NAV2: variants seen among roughly 807,000 people sequenced by gnomAD.
NAV2 encodes neuron navigator 2.
In NAV2, 54 loss-of-function variants were observed where a neutral mutation model predicts 223.2. The observed-to-expected ratio is 0.24, with a 90% CI of 0.19 to 0.30. NAV2 has a LOEUF of 0.30. Among genes scored for constraint, NAV2 ranks in the 10% least tolerant of loss-of-function variants. The pLI is 1.00. For missense variants in NAV2, 2,806 were observed against 3,147.5 expected, an observed-to-expected ratio of 0.89 and a Z score of 2.60; for synonymous variants, 1,279 against 1,239.3, an observed-to-expected ratio of 1.03 and a Z score of -0.67.
At chr11:19,546,546 A>T (rs983206052) in intron 1 of NAV2, among the ~76,000 whole-genome samples, 14 of 152,262 alleles carry the variant, frequency 9.2e-5, no homozygotes, top group Non-Finnish European at 1.8e-4. Flanking sequence ...TGAAGAATGG[A>T]GGGCTGTGTA....
In NAV2 at chr11:19,934,049, A is replaced by G. The variant is rs754599502; in HGVS notation, c.1805A>G (p.Lys602Arg). ...CTGAGCTCAGGACTCCCCCAGCAGA[A>G]GCCCCAGCTGGACGGCAGACACTCC... The part of the protein sequence containing the change: ...GKLSSGLPQQ[K>R]PQLDGRHSSS... Residue 602 changes from lysine (K) to arginine (R), a missense_variant, in exon 7 of 38, where the codon AAG (lysine) becomes AGG (arginine). Lys to Arg is a conservative substitution (Grantham distance 26). Coordinates refer to ENST00000349880, the MANE Select transcript of NAV2 (RefSeq NM_145117.5). 1.2e-6 allele frequency: 2 copies of G among 1,602,798 alleles called. No individual in the cohort carries two copies. The highest frequency in any genetic ancestry group is 2.2e-5 in the South Asian group (2 of 89,454).
At chr11:20,003,583 T>C (rs2052767671) in intron 11 of NAV2, among the ~76,000 whole-genome samples, 1 of 152,032 alleles carries the variant, frequency 6.6e-6, no homozygotes, top group East Asian at 1.9e-4. Context: ...CCCACTTCCC[T>C]CCATCTCTAA....
At chr11:19,768,198 G>T (rs1418389223) in intron 1 of NAV2, among the ~76,000 whole-genome samples, 1 of 152,206 alleles carries the variant, frequency 6.6e-6, no homozygotes, top group Non-Finnish European at 1.5e-5. Flanking sequence ...AGAAAGCAGA[G>T]GCAGGGAGGC....
At chr11:19,367,702 G>A (rs1216595901) in intron 1 of NAV2, among the ~76,000 whole-genome samples, 1 of 152,080 alleles carries the variant, frequency 6.6e-6, no homozygotes, top group Non-Finnish European at 1.5e-5. Flanking sequence ...ATCCTTGTGG[G>A]CCCTAAGGAC....
At position 19,999,986 on chromosome 11, in the gene NAV2, G is replaced by A. The variant is rs567558781; in HGVS notation, c.2768+15739G>A. 7.2e-5 allele frequency among the ~76,000 whole-genome samples: 11 copies of A among 152,296 alleles called. No individual in the cohort carries two copies. In the South Asian group the frequency reaches 2.1e-3, roughly 29 times the overall value. ...TCCTCTCAGCCCCAGGTCCAGCACC[G>A]TGGCCACTGGCCTGTGTCACCTCCA... On this transcript the variant is annotated intron_variant, in intron 11 of 37. Coordinates refer to ENST00000349880, the MANE Select transcript of NAV2 (RefSeq NM_145117.5).
intron 1 of NAV2, among the ~76,000 whole-genome samples, chr11:19,783,908 T>C (rs2056925763): frequency 6.6e-6 from 1 of 150,964 alleles, no homozygotes; most frequent in South Asian, 2.1e-4. Flanking sequence ...TGAAACATCT[T>C]CTAGGAACTA....
At chr11:19,688,284 A>T (rs2049077547) in intron 1 of NAV2, among the ~76,000 whole-genome samples, 1 of 152,204 alleles carries the variant, frequency 6.6e-6, no homozygotes, top group Non-Finnish European at 1.5e-5. Flanking sequence ...TAAAGGAGAA[A>T]GTGTAATGCT....
chr11:19,415,896 C>T (rs1054093795), intron 1 of NAV2, among the ~76,000 whole-genome samples: 7 of 152,206 alleles, frequency 4.6e-5, no homozygotes, highest in Admixed American at 1.3e-4. Flanking sequence ...ATTCAACACC[C>T]CTTCATGCTA....
At chr11:19,407,704 C>A (rs1278729021) in intron 1 of NAV2, among the ~76,000 whole-genome samples, 1 of 145,306 alleles carries the variant, frequency 6.9e-6, no homozygotes. Context: ...CCCCCGCATG[C>A]CCCCCTTCCA....
In NAV2 at chr11:20,039,302, A is replaced by C. The variant is rs1253002579; in HGVS notation, c.2907+3205A>C. 2.0e-5 allele frequency among the ~76,000 whole-genome samples: 3 copies of C among 152,302 alleles called. No individual in the cohort carries two copies. In the East Asian group the frequency reaches 5.8e-4, roughly 29 times the overall value. Reference sequence around the variant, plus strand: ...ATGGCACTAATTAGATGCACCTTCAAGGGTGAGTGTGAAAGTAACAGGGAA... The same window carrying C: ...ATGGCACTAATTAGATGCACCTTCACGGGTGAGTGTGAAAGTAACAGGGAA... On this transcript the variant is annotated intron_variant, in intron 12 of 37. Transcript: ENST00000349880.
At chr11:19,347,435 G>T (rs1267898246), upstream of NAV2, among the ~76,000 whole-genome samples, 2 of 152,184 alleles carry the variant, frequency 1.3e-5, no homozygotes, top group Non-Finnish European at 2.9e-5. Flanking sequence ...CCACCCCCGG[G>T]GTGGTTGCCC....
intron 1 of NAV2, chr11:19,759,854 G>A (rs948458290): frequency 1.3e-5 from 2 of 153,586 alleles, no homozygotes; most frequent in African/African-American, 4.8e-5. Context: ...TTGAGGCGCA[G>A]GTGCAGAAGA....
intron 11 of NAV2, among the ~76,000 whole-genome samples, chr11:20,021,809 T>C (rs2054535537): frequency 6.6e-6 from 1 of 152,202 alleles, no homozygotes; most frequent in Non-Finnish European, 1.5e-5. Flanking sequence ...GAGATTACAA[T>C]CTTTTTTTCA....
chr11:19,520,732 C>A (rs1276180153), intron 1 of NAV2, among the ~76,000 whole-genome samples: 2 of 152,188 alleles, frequency 1.3e-5, no homozygotes, highest in Admixed American at 6.5e-5. Flanking sequence ...GAAGGGGGAA[C>A]AGGAAGATGC....
intron 26 of NAV2, among the ~76,000 whole-genome samples, chr11:20,088,280 C>A (rs761591017): frequency 1.3e-5 from 2 of 152,194 alleles, no homozygotes; most frequent in African/African-American, 4.8e-5. Context: ...CAGGTTCAAG[C>A]GATTCTCCTG....
At position 19,897,886 on chromosome 11, in the gene NAV2, T is replaced by TTATATATATATATATATA. The variant is rs10524489; in HGVS notation, c.931+5294_931+5311dup. On this transcript the variant is annotated intron_variant, in intron 6 of 37. Coordinates refer to ENST00000349880, the MANE Select transcript of NAV2 (RefSeq NM_145117.5). The stretch of plus-strand genomic sequence containing the variant: ...GCCACAGCTGTGCCTGACCTGTGAT[T>TTATATATATATATATATA]TATATATATATATATATATGTGAGC... Among the ~76,000 whole-genome samples, 68 of 120,670 alleles carry TTATATATATATATATATA rather than the reference T, an allele frequency of 5.6e-4. 4 individuals carry two copies. The highest frequency in any genetic ancestry group is 4.0e-3 in the Middle Eastern group (1 of 248). 79.2% of individuals were successfully genotyped at this position (120,670 alleles called of 152,430 possible).
intron 1 of NAV2, among the ~76,000 whole-genome samples, chr11:19,590,523 C>G (rs1565079974): frequency 6.6e-6 from 1 of 152,144 alleles, no homozygotes; most frequent in East Asian, 1.9e-4. Flanking sequence ...CTCTGAGGTC[C>G]TTTTCGGTTG....
At chr11:19,485,659 C>T (rs1009685148) in intron 1 of NAV2, among the ~76,000 whole-genome samples, 2 of 152,032 alleles carry the variant, frequency 1.3e-5, no homozygotes, top group African/African-American at 4.8e-5. Flanking sequence ...AATTTTCTTC[C>T]CATGGAAAAG....
chr11:19,515,445 G>T (rs948550857), intron 1 of NAV2, among the ~76,000 whole-genome samples: 2 of 151,906 alleles, frequency 1.3e-5, no homozygotes, highest in African/African-American at 4.8e-5. Context: ...ATTTTTAATT[G>T]TATTTTTTCC....
Sources: gnomAD v4.1 joint callset for allele counts (sites outside exome capture counted in the v4.1 genomes callset) on GRCh38, gnomAD v4.1.1 for gene constraint, MANE v1.5 for transcripts, NCBI Gene and HGNC (gene_info 2026-07-23, HGNC 2026-07-21) for gene names.